CDH18: variants seen among roughly 807,000 people sequenced by gnomAD.
CDH18 encodes cadherin 18, also known as cadherin-18.
Under a neutral mutation model 67.9 loss-of-function variants are expected in CDH18, and 31 were observed. The ratio of observed to expected loss-of-function variants is 0.46; its 90% CI spans 0.34 to 0.62. The LOEUF (loss-of-function observed/expected upper bound fraction) is 0.62, where lower values mean the gene tolerates loss of function less well. Among genes scored for constraint, CDH18 ranks in the 20% least tolerant of loss-of-function variants. The pLI is 0.01. For missense variants in CDH18, 890 were observed against 975.5 expected, an observed-to-expected ratio of 0.91 and a Z score of 1.17; for synonymous variants, 362 against 347.2, an observed-to-expected ratio of 1.04 and a Z score of -0.48.
chr5:19,878,369 T>A (rs1198185511), intron 2 of CDH18, among the ~76,000 whole-genome samples: 1 of 151,940 alleles, frequency 6.6e-6, no homozygotes, highest in Non-Finnish European at 1.5e-5. Flanking sequence ...TATATTATTC[T>A]TTGCTACAAT....
intron 2 of CDH18, among the ~76,000 whole-genome samples, chr5:20,158,149 C>T (rs1487753155): frequency 1.3e-5 from 2 of 152,054 alleles, no homozygotes; most frequent in African/African-American, 4.8e-5. Context: ...AATTTAATGT[C>T]TTAAATAATT....
chr5:20,320,877 C>G (rs1195940948), intron 1 of CDH18, among the ~76,000 whole-genome samples: 3 of 152,100 alleles, frequency 2.0e-5, no homozygotes, highest in Non-Finnish European at 2.9e-5. Context: ...GTGGCCAGAA[C>G]CTGTACATAG....
intron 4 of CDH18, among the ~76,000 whole-genome samples, chr5:19,727,770 C>G (rs957435066): frequency 1.3e-5 from 2 of 152,036 alleles, no homozygotes; most frequent in African/African-American, 4.8e-5. Flanking sequence ...CCAGATACAT[C>G]ATAAGAGAGA....
At chr5:19,948,009 G>A (rs921603873) in intron 2 of CDH18, among the ~76,000 whole-genome samples, 1 of 152,164 alleles carries the variant, frequency 6.6e-6, no homozygotes, top group Non-Finnish European at 1.5e-5. Flanking sequence ...AATATACAGT[G>A]AGTACGTAAG....
At chr5:19,911,216 G>C (rs1791105283) in intron 2 of CDH18, among the ~76,000 whole-genome samples, 1 of 152,122 alleles carries the variant, frequency 6.6e-6, no homozygotes, top group Non-Finnish European at 1.5e-5. Context: ...AGAAGCCATA[G>C]AAAGGTATTT....
chr5:20,024,906 G>T (rs1219935252), intron 2 of CDH18, among the ~76,000 whole-genome samples: 3 of 152,096 alleles, frequency 2.0e-5, no homozygotes, highest in Non-Finnish European at 2.9e-5. Flanking sequence ...GCTAATGTTT[G>T]GTAAGTGAGT....
chr5:20,005,982 ATTTATTGAAT>A (rs1310265726), intron 2 of CDH18, among the ~76,000 whole-genome samples: 1 of 151,994 alleles, frequency 6.6e-6, no homozygotes, highest in Non-Finnish European at 1.5e-5. Context: ...GCATTAACAT[ATTTATTGAAT>A]TTCCTTTTGA....
intron 1 of CDH18, among the ~76,000 whole-genome samples, chr5:20,268,288 T>C (rs576236609): frequency 3.9e-5 from 6 of 152,272 alleles, no homozygotes; most frequent in Admixed American, 6.5e-5. Flanking sequence ...GGGTATTCCT[T>C]TGGGTATTGG....
intron 1 of CDH18, among the ~76,000 whole-genome samples, chr5:20,488,469 A>C (rs1222671904): frequency 6.6e-6 from 1 of 152,024 alleles, no homozygotes; most frequent in Non-Finnish European, 1.5e-5. Context: ...TTTAGGACAA[A>C]GGATAGTATA....
intron 2 of CDH18, among the ~76,000 whole-genome samples, chr5:20,201,573 A>G (rs1739450652): frequency 1.3e-5 from 2 of 152,110 alleles, no homozygotes; most frequent in African/African-American, 2.4e-5. Flanking sequence ...CATACTTATC[A>G]TTTGAATCAA....
rs906703114 is a variant in CDH18 at position 20,465,441 on chromosome 5, A to G, written c.-580+110021T>C. The stretch of plus-strand genomic sequence containing the variant: ...AGTGATACAGAAAGTATTTTGTTCC[A>G]GGATATTACATATTTTTAAACTTCT... On this transcript the variant is annotated intron_variant, in intron 1 of 14. Transcript: ENST00000507958. Among the ~76,000 whole-genome samples the G allele has an allele frequency of 8.5e-5, 13 of 152,072 alleles. 1 individual carries two copies. Among genetic ancestry groups the G allele is most frequent in the Admixed American group, 8.5e-4 (13 of 15,258 alleles).
intron 5 of CDH18, among the ~76,000 whole-genome samples, chr5:19,685,974 G>A (rs1347606382): frequency 1.3e-5 from 2 of 152,114 alleles, no homozygotes; most frequent in African/African-American, 4.8e-5. Context: ...AATTTTACAT[G>A]TGCCAGAAAG....
intron 2 of CDH18, among the ~76,000 whole-genome samples, chr5:19,912,014 G>A (rs867899420): frequency 3.9e-5 from 6 of 152,132 alleles, no homozygotes; most frequent in Non-Finnish European, 7.4e-5. Flanking sequence ...TCATTGAAGC[G>A]GCAAGATTGA....
intron 2 of CDH18, among the ~76,000 whole-genome samples, chr5:20,024,853 G>A (rs560444236): frequency 6.6e-6 from 1 of 152,146 alleles, no homozygotes; most frequent in East Asian, 1.9e-4. Context: ...ATTATTCCAG[G>A]GTCAGATCCA....
At chr5:20,048,266 G>A (rs1741079920) in intron 2 of CDH18, among the ~76,000 whole-genome samples, 1 of 151,486 alleles carries the variant, frequency 6.6e-6, no homozygotes, top group Non-Finnish European at 1.5e-5. Context: ...ATGAATTAAT[G>A]CTTTATTTCC....
In CDH18 at chr5:20,144,115, GAA is replaced by G. The variant is rs1349001525; in HGVS notation, c.-518+111327_-518+111328del. Among the ~76,000 whole-genome samples the G allele has an allele frequency of 3.9e-5, 6 of 152,250 alleles. No homozygotes were observed. In the South Asian group the frequency reaches 8.3e-4, roughly 21 times the overall value. On this transcript the variant is annotated intron_variant, in intron 2 of 14. Coordinates refer to the CDH18 transcript ENST00000507958. ...AAGGAATAATGGGAACAGAATCAGT[GAA>G]GGAAAAATGACTTTGAGATCAGAGC...
At chr5:20,529,630 GA>G (rs1368600121) in intron 1 of CDH18, among the ~76,000 whole-genome samples, 2 of 151,832 alleles carry the variant, frequency 1.3e-5, no homozygotes, top group African/African-American at 2.4e-5. Context: ...CAAAACTAAA[GA>G]TAAAACCAGA....
intron 2 of CDH18, among the ~76,000 whole-genome samples, chr5:19,876,793 T>C (rs1227698236): frequency 1.3e-5 from 2 of 152,172 alleles, no homozygotes; most frequent in Non-Finnish European, 2.9e-5. Flanking sequence ...GTTCATTGTT[T>C]GCTCAACCAA....
chr5:19,932,493 C>G (rs1348266184), intron 2 of CDH18, among the ~76,000 whole-genome samples: 7 of 151,600 alleles, frequency 4.6e-5, no homozygotes, highest in Middle Eastern at 3.4e-3. Flanking sequence ...TATCTCATTC[C>G]CTCTCTGCAA....
Sources: gnomAD v4.1 joint callset for allele counts (sites outside exome capture counted in the v4.1 genomes callset) on GRCh38, gnomAD v4.1.1 for gene constraint, MANE v1.5 for transcripts, NCBI Gene and HGNC (gene_info 2026-07-23, HGNC 2026-07-21) for gene names.